Variants in TACR3 observed in about 807,000 individuals in gnomAD.
TACR3 encodes the protein neuromedin-K receptor.
In TACR3, 34 loss-of-function variants were observed where a neutral mutation model predicts 35.0. That is an observed-to-expected ratio of 0.97 (90% CI 0.74 to 1.30). The LOEUF (loss-of-function observed/expected upper bound fraction) is 1.30. TACR3 is among the 50% of genes most tolerant of loss of function. The pLI is 0.00. For missense variants in TACR3, 558 were observed against 591.7 expected, an observed-to-expected ratio of 0.94 and a Z score of 0.59; for synonymous variants, 233 against 221.1, an observed-to-expected ratio of 1.05 and a Z score of -0.48.
chr4:103,614,173 T>C (rs1304410854), intron 3 of TACR3, among the ~76,000 whole-genome samples: 1 of 152,220 alleles, frequency 6.6e-6, no homozygotes, highest in African/African-American at 2.4e-5. Flanking sequence ...CTTTCTAGAC[T>C]TTCCCTTTGA....
chr4:103,595,315 T>C (rs1723981552), intron 3 of TACR3, among the ~76,000 whole-genome samples: 1 of 152,152 alleles, frequency 6.6e-6, no homozygotes, highest in Non-Finnish European at 1.5e-5. Context: ...CATCGTGTCT[T>C]AATAATGTTA....
rs71597161 is a variant in TACR3, at chr4:103,605,276, G to T, written c.889-13593C>A. Among the ~76,000 whole-genome samples the T allele has an allele frequency of 1.2e-3, 112 of 97,064 alleles. 1 individual carries two copies. Among genetic ancestry groups the T allele is most frequent in the Non-Finnish European group, 1.4e-3 (68 of 47,944 alleles). The allele number at this position is 97,064 out of a possible 152,430, so 63.7% of individuals were successfully genotyped here. On this transcript the variant is annotated intron_variant, in intron 3 of 4. Coordinates refer to ENST00000304883, the MANE Select transcript of TACR3 (RefSeq NM_001059.3). ...AAGTCTTTGCTATTGTGAATAATGC[G>T]GCAATAAACATACGTGTGCATGTGT...
intron 1 of TACR3, among the ~76,000 whole-genome samples, chr4:103,716,935 A>G (rs1318707758): frequency 6.6e-6 from 1 of 152,170 alleles, no homozygotes. Flanking sequence ...AGAAGGCACC[A>G]TGATTCAGTG....
chr4:103,690,956 A>C (rs989675379), intron 1 of TACR3, among the ~76,000 whole-genome samples: 2 of 152,204 alleles, frequency 1.3e-5, no homozygotes, highest in Non-Finnish European at 2.9e-5. Context: ...GTCAACTAAA[A>C]AATAAATTTG....
At chr4:103,615,376 CGTGTGTGTGT>C (rs3974469) in intron 3 of TACR3, among the ~76,000 whole-genome samples, 1 of 143,852 alleles carries the variant, frequency 7.0e-6, no homozygotes, top group Admixed American at 6.9e-5. Flanking sequence ...TTCCTGCTAT[CGTGTGTGTGT>C]GTGTGTGTGT....
At chr4:103,692,197 G>A (rs888888482) in intron 1 of TACR3, among the ~76,000 whole-genome samples, 7 of 152,050 alleles carry the variant, frequency 4.6e-5, no homozygotes, top group Admixed American at 4.6e-4. Flanking sequence ...TCTTATATTA[G>A]ACATTCTTGA....
intron 1 of TACR3, among the ~76,000 whole-genome samples, chr4:103,660,779 A>T (rs1578247427): frequency 6.6e-6 from 1 of 152,070 alleles, no homozygotes; most frequent in East Asian, 1.9e-4. Context: ...CTACAAAGAA[A>T]AATAATGCGT....
At chr4:103,704,487 G>T (rs1002462109) in intron 1 of TACR3, among the ~76,000 whole-genome samples, 1 of 152,156 alleles carries the variant, frequency 6.6e-6, no homozygotes, top group Admixed American at 6.5e-5. Flanking sequence ...GAGACCTCAG[G>T]AAACTTACAG....
chr4:103,611,365 CT>C (rs1216165110), intron 3 of TACR3, among the ~76,000 whole-genome samples: 9 of 152,028 alleles, frequency 5.9e-5, no homozygotes, highest in African/African-American at 2.2e-4. Flanking sequence ...GTCCTAGTTA[CT>C]TTATTTTTTT....
intron 1 of TACR3, among the ~76,000 whole-genome samples, chr4:103,697,628 G>A (rs866574195): frequency 1.3e-5 from 2 of 151,806 alleles, no homozygotes; most frequent in Non-Finnish European, 1.5e-5. Flanking sequence ...GTTTCACCAC[G>A]TTAGCCAGGA....
intron 3 of TACR3, among the ~76,000 whole-genome samples, chr4:103,636,095 G>C (rs902527107): frequency 1.3e-5 from 2 of 151,968 alleles, no homozygotes; most frequent in African/African-American, 4.8e-5. Flanking sequence ...ATTTAACAAT[G>C]TATTTAGAGT....
intron 3 of TACR3, among the ~76,000 whole-genome samples, chr4:103,636,326 A>C (rs909768712): frequency 2.6e-5 from 4 of 151,112 alleles, no homozygotes. Context: ...ACCTCAGTGC[A>C]TCTCACTTTG....
At chr4:103,675,454 G>A (rs1726147732) in intron 1 of TACR3, among the ~76,000 whole-genome samples, 1 of 152,142 alleles carries the variant, frequency 6.6e-6, no homozygotes, top group African/African-American at 2.4e-5. Flanking sequence ...TAGATGACAT[G>A]CAAGAATGTG....
chr4:103,596,332 T>G (rs1724015580), intron 3 of TACR3, among the ~76,000 whole-genome samples: 1 of 152,016 alleles, frequency 6.6e-6, no homozygotes, highest in African/African-American at 2.4e-5. Flanking sequence ...CCACACTGAC[T>G]TCCACAATGG....
At position 103,588,610 on chromosome 4, in the gene TACR3, A is replaced by T. The variant is rs1315429884; in HGVS notation, c.*1072T>A. The T allele has an allele frequency of 6.6e-6, 1 of 152,138 alleles. No homozygotes were observed. Among genetic ancestry groups the T allele is most frequent in the Non-Finnish European group, 1.5e-5 (1 of 67,974 alleles). The allele number at this position is 152,138 out of a possible 1,614,324, so 9.4% of individuals were successfully genotyped here. ...CCTCTTGCTCAGCTGTTATTAGTTT[A>T]CATGTATCCAAACTATTGTGCAGAT... On this transcript the variant is annotated 3_prime_UTR_variant, in exon 5 of 5. Transcript: ENST00000304883.
At chr4:103,698,020 A>G (rs1206270876) in intron 1 of TACR3, among the ~76,000 whole-genome samples, 1 of 152,172 alleles carries the variant, frequency 6.6e-6, no homozygotes, top group Non-Finnish European at 1.5e-5. Flanking sequence ...GATAATATTG[A>G]ATTATACTAC....
chr4:103,700,502 T>C (rs565374478), intron 1 of TACR3, among the ~76,000 whole-genome samples: 4 of 152,178 alleles, frequency 2.6e-5, no homozygotes, highest in Admixed American at 6.5e-5. Context: ...CAAGAAACAC[T>C]ACAAACACTG....
chr4:103,606,866 G>T (rs1484990807), intron 3 of TACR3, among the ~76,000 whole-genome samples: 6 of 152,182 alleles, frequency 3.9e-5, no homozygotes, highest in Admixed American at 6.5e-5. Flanking sequence ...ATGTTGAATA[G>T]GAGTGTTGAG....
At chr4:103,637,795 C>A (rs904748171) in intron 3 of TACR3, among the ~76,000 whole-genome samples, 3 of 152,090 alleles carry the variant, frequency 2.0e-5, no homozygotes, top group African/African-American at 7.2e-5. Flanking sequence ...ACACCAATAA[C>A]AGACAAACAG....
Sources: gnomAD v4.1 joint callset for allele counts (sites outside exome capture counted in the v4.1 genomes callset) on GRCh38, gnomAD v4.1.1 for gene constraint, MANE v1.5 for transcripts, NCBI Gene and HGNC (gene_info 2026-07-23, HGNC 2026-07-21) for gene names.